The following ITPR2 variants were observed in gnomAD, a reference collection of about 807,000 sequenced individuals.
The protein encoded by ITPR2 is inositol 1,4,5-trisphosphate-gated calcium channel ITPR2.
ITPR2 carries 207 observed loss-of-function variants against 317.1 expected under a neutral mutation model. The ratio of observed to expected loss-of-function variants is 0.65; its 90% CI spans 0.58 to 0.73. ITPR2 has a LOEUF of 0.73. Among genes scored for constraint, ITPR2 ranks in the 30% least tolerant of loss-of-function variants. The probability of loss-of-function intolerance (pLI) is 0.00; values close to 1 mark genes in which losing one functional copy is unlikely to be tolerated. For synonymous variants in ITPR2, 1,156 were observed against 1,149.1 expected, an observed-to-expected ratio of 1.01 and a Z score of -0.12; for missense variants, 2,613 against 3,284.0, an observed-to-expected ratio of 0.80 and a Z score of 4.99.
At chr12:26,770,977 A>G (rs1949828905) in intron 2 of ITPR2, among the ~76,000 whole-genome samples, 1 of 152,190 alleles carries the variant, frequency 6.6e-6, no homozygotes, top group Admixed American at 6.5e-5. Flanking sequence ...TTATGGCAGC[A>G]AAAGTCCATT....
chr12:26,754,643 A>T (rs1287782090), intron 2 of ITPR2, among the ~76,000 whole-genome samples: 1 of 152,220 alleles, frequency 6.6e-6, no homozygotes, highest in Non-Finnish European at 1.5e-5. Context: ...GTTTTAAGTA[A>T]GATAGGAAAA....
intron 46 of ITPR2, among the ~76,000 whole-genome samples, chr12:26,442,280 C>T (rs1356080037): frequency 6.6e-6 from 1 of 152,268 alleles, no homozygotes; most frequent in African/African-American, 2.4e-5. Context: ...TCAGGCACCA[C>T]TAATTATTAT....
chr12:26,451,248 G>A (rs1941733339), intron 45 of ITPR2, among the ~76,000 whole-genome samples: 1 of 152,060 alleles, frequency 6.6e-6, no homozygotes, highest in South Asian at 2.1e-4. Context: ...CTGGGGAAGA[G>A]ACAACACAGA....
At chr12:26,657,914 A>G in intron 17 of ITPR2, 22 bp from the exon 18 acceptor site, 1 of 1,609,400 alleles carries the variant, frequency 6.2e-7, no homozygotes, top group Non-Finnish European at 8.5e-7. Flanking sequence ...TAGCACATAC[A>G]AAAATCTACT....
rs565937944 is a variant in ITPR2, at chr12:26,461,372, T to C, written c.6342+13924A>G. Among the ~76,000 whole-genome samples the C allele has an allele frequency of 2.4e-3, 365 of 152,142 alleles. 1 individual carries two copies. Among genetic ancestry groups the C allele is most frequent in the African/African-American group, 8.5e-3 (353 of 41,480 alleles). On this transcript the variant is annotated intron_variant, in intron 45 of 56. Transcript: ENST00000381340. Reference sequence around the variant, plus strand: ...TGGCCAACTACATACAGCTCCTAGGTCAAATTCAGCATGCCACCTGTTTTT... The same window carrying C: ...TGGCCAACTACATACAGCTCCTAGGCCAAATTCAGCATGCCACCTGTTTTT...
At chr12:26,425,638 A>C (rs1483169633) in intron 49 of ITPR2, among the ~76,000 whole-genome samples, 1 of 148,520 alleles carries the variant, frequency 6.7e-6, no homozygotes, top group Admixed American at 6.8e-5. Flanking sequence ...ACTGCACTCC[A>C]GTGGGCGACA....
intron 1 of ITPR2, among the ~76,000 whole-genome samples, chr12:26,796,163 A>T (rs1449225471): frequency 6.6e-6 from 1 of 152,206 alleles, no homozygotes; most frequent in African/African-American, 2.4e-5. Context: ...ATTCATACAA[A>T]GAAGCCATAA....
At chr12:26,495,362 G>A in intron 37 of ITPR2, 102 bp from the exon 38 acceptor site, 2 of 617,938 alleles carry the variant, frequency 3.2e-6, no homozygotes, top group East Asian at 3.1e-5. Flanking sequence ...ATGATGTTGA[G>A]GCATGGAAAA....
At chr12:26,599,055 T>C in intron 30 of ITPR2, 90 bp downstream of exon 30, 2 of 1,160,982 alleles carry the variant, frequency 1.7e-6, no homozygotes, top group Non-Finnish European at 2.5e-6. Context: ...TCCAAACCTA[T>C]GTTGTTGGGG....
At chr12:26,688,242 T>C (rs761630649) in intron 10 of ITPR2, among the ~76,000 whole-genome samples, 32 of 152,102 alleles carry the variant, frequency 2.1e-4, no homozygotes, top group Non-Finnish European at 4.4e-5. Flanking sequence ...GACCTCAGTA[T>C]GTTGCTGAGG....
At chr12:26,601,310 GC>G (rs1945993715) in intron 28 of ITPR2, among the ~76,000 whole-genome samples, 2 of 152,116 alleles carry the variant, frequency 1.3e-5, no homozygotes, top group African/African-American at 2.4e-5. Flanking sequence ...TATTTAGAGG[GC>G]CTATGGGGGC....
Position 26,495,186 on chromosome 12 carries a change from T to G in ITPR2, c.5148A>C (p.Leu1716=), listed in dbSNP as rs1459629664. The G allele has an allele frequency of 6.2e-7, 1 of 1,608,574 alleles. No homozygotes were observed. Among genetic ancestry groups the G allele is most frequent in the East Asian group, 2.2e-5 (1 of 44,808 alleles). ...GDYSIGVNGH[L]SGAYSKTAQV... is the part of the protein sequence containing the mutation. ...GTGCAGTTTTGGAGTAGGCTCCTGATAGGTGTCCATTCACACCAATACTAT... is the reference window on the plus strand; with the variant it reads ...GTGCAGTTTTGGAGTAGGCTCCTGAGAGGTGTCCATTCACACCAATACTAT... The change falls in exon 38 of 57, where the codon CTA becomes CTC. Residue 1716 remains leucine, a synonymous_variant. Coordinates refer to ENST00000381340, the MANE Select transcript of ITPR2 (RefSeq NM_002223.4).
rs746040689 is a variant in ITPR2 at position 26,556,267 on chromosome 12, C to T, written c.4930G>A (p.Asp1644Asn). The stretch of plus-strand genomic sequence containing the variant: ...AAAGCGCCACATCTTATTCTTGCAT[C>T]GCTTCCCTCAGGGAACAGCAGTTCT... ...SPELLFPEGS[D>N]ARIRCGAFMS... Residue 1644 changes from aspartate (D) to asparagine (N), a missense_variant, in exon 36 of 57, where the codon GAT (aspartate) becomes AAT (asparagine). Physicochemically the swap from Asp to Asn is conservative, Grantham distance 23. Around this residue, in one of 9 missense-constraint regions of ITPR2, gnomAD observed 926 missense variants for 1,072.8 expected, o/e 0.86. Coordinates refer to ENST00000381340, the MANE Select transcript of ITPR2 (RefSeq NM_002223.4). 26 of 1,613,692 alleles carry T rather than the reference C, an allele frequency of 1.6e-5. No homozygotes were observed. The highest frequency in any genetic ancestry group is 8.3e-5 in the Admixed American group (5 of 59,918).
In ITPR2 at chr12:26,482,248, C is replaced by CT. The variant is rs1358397736; in HGVS notation, c.6013-1008dup. 5.9e-5 allele frequency among the ~76,000 whole-genome samples: 9 copies of CT among 152,284 alleles called. No individual in the cohort carries two copies. The East Asian group carries it at 1.7e-3, about 29-fold the overall frequency. Reference sequence around the variant, plus strand: ...AATATTTCCCAAACTTAAAGAGAATCTTTTTGCAGATCATCTCCAGAATTT... The same window carrying CT: ...AATATTTCCCAAACTTAAAGAGAATCTTTTTTGCAGATCATCTCCAGAATTT... On this transcript the variant is annotated intron_variant, in intron 42 of 56. Transcript: ENST00000381340.
rs1565574624 is a variant in ITPR2, at chr12:26,516,290, A to AGGAAGGGAAAGGAAG, written c.5074-21031_5074-21030insCTTCCTTTCCCTTCC. Among the ~76,000 whole-genome samples, 380 of 49,696 alleles carry AGGAAGGGAAAGGAAG rather than the reference A, an allele frequency of 7.6e-3. 31 individuals are homozygous for AGGAAGGGAAAGGAAG. Among genetic ancestry groups the AGGAAGGGAAAGGAAG allele is most frequent in the Admixed American group, 0.011 (45 of 3,992 alleles). 32.6% of individuals were successfully genotyped at this position (49,696 alleles called of 152,430 possible). A position where few individuals can be genotyped will look rare whatever the true frequency, so the allele number is the denominator to read the frequency against. ...AGGAAAGGAAGGGAAGGGAAGGGAA[A>AGGAAGGGAAAGGAAG]GGAAAGGAAAGGAAAGGAAAGGAAA... On this transcript the variant is annotated intron_variant, in intron 37 of 56. Coordinates refer to ENST00000381340, the MANE Select transcript of ITPR2 (RefSeq NM_002223.4).
rs1457788819 is a variant in ITPR2, at chr12:26,589,786, C to A, written c.4380+5679G>T. 9.5e-3 allele frequency among the ~76,000 whole-genome samples: 340 copies of A among 35,932 alleles called. 5 individuals are homozygous for A. The highest frequency in any genetic ancestry group is 0.025 in the African/African-American group (318 of 12,716). The allele number at this position is 35,932 out of a possible 152,430, so 23.6% of individuals were successfully genotyped here. ...TGAGTGAAAGAACGAAACTCTGTTT[C>A]AAAAAAAAAAATAAATAAATAAAAA... is the stretch of plus-strand genomic sequence containing the variant. On this transcript the variant is annotated intron_variant, in intron 32 of 56. Coordinates refer to ENST00000381340, the MANE Select transcript of ITPR2 (RefSeq NM_002223.4).
intron 34 of ITPR2, among the ~76,000 whole-genome samples, chr12:26,565,539 C>CAGAT (rs1555157017): frequency 6.6e-6 from 1 of 151,230 alleles, no homozygotes; most frequent in South Asian, 2.1e-4. Context: ...GACAGACAGA[C>CAGAT]AGATAGATAG....
Position 26,672,877 on chromosome 12 carries a change from G to A in ITPR2, c.1410-6826C>T, listed in dbSNP as rs899825007. 3.6e-4 allele frequency among the ~76,000 whole-genome samples: 55 copies of A among 152,026 alleles called. 1 individual carries two copies. The highest frequency in any genetic ancestry group is 3.4e-3 in the Middle Eastern group (1 of 294). On this transcript the variant is annotated intron_variant, in intron 13 of 56. Transcript: ENST00000381340. Reference sequence around the variant, plus strand: ...AAATGATAAAGGGGATATCACCACCGATCCCACAGAAATACAAACTACCAT... The same window carrying A: ...AAATGATAAAGGGGATATCACCACCAATCCCACAGAAATACAAACTACCAT...
chr12:26,576,915 T>C (rs1945291936), intron 34 of ITPR2, among the ~76,000 whole-genome samples: 1 of 152,208 alleles, frequency 6.6e-6, no homozygotes. Context: ...GAATTGATGC[T>C]GTTATGAGTG....
Sources: allele counts gnomAD v4.1 joint callset (sites outside exome capture counted in the v4.1 genomes callset), GRCh38; gene constraint gnomAD v4.1.1; regional missense constraint gnomAD v4.1.1; transcripts MANE v1.5; gene names NCBI Gene and HGNC (gene_info 2026-07-23, HGNC 2026-07-21).